The following TBL1X variants were observed in gnomAD, a reference collection of about 807,000 sequenced individuals.
TBL1X encodes the protein transducin beta like 1 X-linked, also known as F-box-like/WD repeat-containing protein TBL1X.
A neutral mutation model predicts 50.7 loss-of-function variants in TBL1X; 10 were observed. The ratio of observed to expected loss-of-function variants is 0.20; its 90% CI spans 0.12 to 0.33. The LOEUF (loss-of-function observed/expected upper bound fraction) is 0.33, where lower values mean the gene tolerates loss of function less well. TBL1X is among the 10% of genes least tolerant of loss of function. The probability of loss-of-function intolerance (pLI) is 1.00; values close to 1 mark genes in which losing one functional copy is unlikely to be tolerated. For synonymous variants in TBL1X, 190 were observed against 214.7 expected, an observed-to-expected ratio of 0.88 and a Z score of 1.01; for missense variants, 340 against 504.4, an observed-to-expected ratio of 0.67 and a Z score of 3.12.
intron 3 of TBL1X, among the ~76,000 whole-genome samples, chrX:9,651,532 C>T (rs2082835747): frequency 8.9e-6 from 1 of 112,762 alleles, no homozygotes; most frequent in Non-Finnish European, 1.9e-5. Flanking sequence ...CACTGCAGCA[C>T]TCAGCATCAC....
intron 2 of TBL1X, among the ~76,000 whole-genome samples, chrX:9,604,402 C>G (rs113551960): frequency 0.033 from 3,074 of 92,353 alleles, 93 homozygotes; most frequent in African/African-American, 0.11. Context: ...ATTTCACTTT[C>G]CCCCCCTTTT....
intron 2 of TBL1X, among the ~76,000 whole-genome samples, chrX:9,547,029 A>G (rs1381240587): frequency 9.3e-6 from 1 of 107,973 alleles, no homozygotes; most frequent in Non-Finnish European, 1.9e-5. Flanking sequence ...CGTGTTAGCC[A>G]GGATGGTCTC....
intron 1 of TBL1X, among the ~76,000 whole-genome samples, chrX:9,484,054 G>A (rs2081897582): frequency 8.9e-6 from 1 of 111,907 alleles, no homozygotes; most frequent in Non-Finnish European, 1.9e-5. Flanking sequence ...ACATTTTTTA[G>A]AGACAAGGTC....
At chrX:9,619,523 G>C (rs1429820284) in intron 2 of TBL1X, among the ~76,000 whole-genome samples, 1 of 112,101 alleles carries the variant, frequency 8.9e-6, no homozygotes, top group Non-Finnish European at 1.9e-5. Flanking sequence ...TCCCGGTCTT[G>C]CTGCCCACAC....
At chrX:9,620,215 T>C (rs2239408) in intron 2 of TBL1X, among the ~76,000 whole-genome samples, 35,073 of 111,561 alleles carry the variant, frequency 0.31, 4,586 homozygotes, top group East Asian at 0.7. Flanking sequence ...CTAGAGATGC[T>C]GTGAGTCCTC....
chrX:9,591,041 C>T (rs1471440521), intron 2 of TBL1X, among the ~76,000 whole-genome samples: 4 of 110,049 alleles, frequency 3.6e-5, no homozygotes, highest in Admixed American at 2.9e-4. Context: ...CTACCAGGGA[C>T]GACCCAGGAC....
At chrX:9,464,542 G>A (rs1339257216), upstream of TBL1X, among the ~76,000 whole-genome samples, 2 of 111,076 alleles carry the variant, frequency 1.8e-5, no homozygotes, top group Non-Finnish European at 3.8e-5. Flanking sequence ...GGTTCTGTTG[G>A]GGCAGCCGGG....
At chrX:9,652,575 G>C (rs2082841536) in intron 3 of TBL1X, among the ~76,000 whole-genome samples, 2 of 112,545 alleles carry the variant, frequency 1.8e-5, no homozygotes, top group Admixed American at 9.4e-5. Context: ...GTTTAGTGCT[G>C]GCCGGGCGTG....
chrX:9,676,676 A>G (rs1323675268), intron 5 of TBL1X, among the ~76,000 whole-genome samples: 2 of 112,078 alleles, frequency 1.8e-5, no homozygotes, highest in African/African-American at 3.2e-5. Flanking sequence ...AAATGTTCTC[A>G]CTGCACTCTG....
intron 2 of TBL1X, among the ~76,000 whole-genome samples, chrX:9,523,487 G>T (rs2082116582): frequency 8.9e-6 from 1 of 111,829 alleles, no homozygotes; most frequent in African/African-American, 3.2e-5. Context: ...ACTCACACTG[G>T]GTCATGTCAC....
intron 2 of TBL1X, among the ~76,000 whole-genome samples, chrX:9,584,350 A>G (rs1220564036): frequency 8.9e-6 from 1 of 112,626 alleles, no homozygotes; most frequent in East Asian, 2.8e-4. Flanking sequence ...GAATCTATCA[A>G]ACAATAGGAA....
intron 5 of TBL1X, among the ~76,000 whole-genome samples, chrX:9,664,254 A>G (rs774478367): frequency 9.8e-5 from 11 of 112,646 alleles, no homozygotes; most frequent in Non-Finnish European, 1.5e-4. Flanking sequence ...ATGTAATTCA[A>G]TGTTTCTATT....
chrX:9,581,654 G>C (rs1189889421), intron 2 of TBL1X, among the ~76,000 whole-genome samples: 1 of 112,154 alleles, frequency 8.9e-6, no homozygotes, highest in Admixed American at 9.4e-5. Context: ...GCCAACATAA[G>C]AAACCCATTC....
At chrX:9,688,534 C>T (rs771519861) in intron 7 of TBL1X, among the ~76,000 whole-genome samples, 7 of 112,571 alleles carry the variant, frequency 6.2e-5, no homozygotes, top group Non-Finnish European at 1.3e-4. Flanking sequence ...TCTCATGTAA[C>T]ACATGATTAT....
Position 9,664,481 on chromosome X carries a change from G to A in TBL1X, c.211+10159G>A, listed in dbSNP as rs181407005. On this transcript the variant is annotated intron_variant, in intron 5 of 17. Transcript: ENST00000645353. ...CCGTTGGAAACAGAAGAATCAGCTG[G>A]AAGCAAACAGCATTTGTCATACGGA... Among the ~76,000 whole-genome samples, 447 of 111,039 alleles carry A rather than the reference G, an allele frequency of 4.0e-3. 2 individuals carry two copies. Among genetic ancestry groups the A allele is most frequent in the African/African-American group, 0.014 (423 of 30,455 alleles).
chrX:9,539,678 C>T (rs2082205644), intron 2 of TBL1X, among the ~76,000 whole-genome samples: 1 of 112,292 alleles, frequency 8.9e-6, no homozygotes, highest in African/African-American at 3.2e-5. Flanking sequence ...AGATATCTGT[C>T]TCCTCACCAA....
At chrX:9,677,066 A>C in intron 5 of TBL1X, among the ~76,000 whole-genome samples, 1 of 110,357 alleles carries the variant, frequency 9.1e-6, no homozygotes, top group Admixed American at 9.7e-5. Context: ...TGTTTTCTTC[A>C]CCATTTGATT....
In TBL1X at chrX:9,653,625, C is replaced by T; in HGVS notation, c.39C>T (p.His13=). The change falls in exon 4 of 18, where the codon CAC becomes CAT. Residue 13 remains histidine, a synonymous_variant. Coordinates refer to ENST00000645353, the MANE Select transcript of TBL1X (RefSeq NM_005647.4). ...CTGGCGCCTCTTCATCGTGCTGCCACCGCCCTGCAGGAAGAGGGGCCATGC... is the reference window on the plus strand; with the variant it reads ...CTGGCGCCTCTTCATCGTGCTGCCATCGCCCTGCAGGAAGAGGGGCCATGC... The part of the protein sequence containing the change: ...ELAGASSSCC[H]RPAGRGAMQS... 1 of 1,173,619 alleles carries T rather than the reference C, an allele frequency of 8.5e-7. No individual in the cohort carries two copies. Among genetic ancestry groups the T allele is most frequent in the Non-Finnish European group, 1.1e-6 (1 of 875,916 alleles).
chrX:9,557,751 C>T (rs1264011442), intron 2 of TBL1X, among the ~76,000 whole-genome samples: 1 of 111,549 alleles, frequency 9.0e-6, no homozygotes, highest in Non-Finnish European at 1.9e-5. Context: ...CCACCACATT[C>T]GGTGACATGA....
Sources: allele counts gnomAD v4.1 joint callset (sites outside exome capture counted in the v4.1 genomes callset), GRCh38; gene constraint gnomAD v4.1.1; transcripts MANE v1.5; gene names NCBI Gene and HGNC (gene_info 2026-07-23, HGNC 2026-07-21).